MAP2K2: variants seen among roughly 807,000 people sequenced by gnomAD.
MAP2K2 encodes mitogen-activated protein kinase kinase 2.
In MAP2K2, 24 loss-of-function variants were observed where a neutral mutation model predicts 43.7. That is an observed-to-expected ratio of 0.55 (90% CI 0.40 to 0.77). MAP2K2 has a LOEUF of 0.77. Among genes scored for constraint, MAP2K2 ranks in the 30% least tolerant of loss-of-function variants. The probability of loss-of-function intolerance (pLI) is 0.00; values close to 1 mark genes in which losing one functional copy is unlikely to be tolerated. For missense variants in MAP2K2, 470 were observed against 566.8 expected (o/e 0.83, Z 1.73); for synonymous variants, 244 against 239.7 (o/e 1.02, Z -0.17).
In MAP2K2 at chr19:4,120,332, T is replaced by C. The variant is rs192195302; in HGVS notation, c.93-2703A>G. ...ATGAATAAATGAATATTTATTTTTT[T>C]TGAGACAGTCTTGCTCTGTCGCCCA... On this transcript the variant is annotated intron_variant, in intron 1 of 10. Coordinates refer to ENST00000262948, the MANE Select transcript of MAP2K2 (RefSeq NM_030662.4). Among the ~76,000 whole-genome samples, 309 of 152,352 alleles carry C rather than the reference T, an allele frequency of 2.0e-3. 1 individual carries two copies. Among genetic ancestry groups the C allele is most frequent in the Non-Finnish European group, 3.4e-3 (228 of 68,042 alleles).
rs1276658446 is a variant in MAP2K2 at position 4,101,841 on chromosome 19, T to C, written c.528+535A>G. ...CCTGTGTCTTAATCCAACACTGGTATGGGCAGGCGGGACTCGGCCCCTGCT... is the reference window on the plus strand; with the variant it reads ...CCTGTGTCTTAATCCAACACTGGTACGGGCAGGCGGGACTCGGCCCCTGCT... On this transcript the variant is annotated intron_variant, in intron 4 of 10. Coordinates refer to ENST00000262948, the MANE Select transcript of MAP2K2 (RefSeq NM_030662.4). This position sits in a 1 kb window ranked among gnomAD's most constrained non-coding sequence, Gnocchi z 6.3. 6.6e-6 allele frequency among the ~76,000 whole-genome samples: 1 copy of C among 152,168 alleles called. No individual in the cohort carries two copies. The highest frequency in any genetic ancestry group is 2.1e-4 in the South Asian group (1 of 4,822).
At chr19:4,122,753 A>C (rs1464703348) in intron 1 of MAP2K2, among the ~76,000 whole-genome samples, 2 of 149,998 alleles carry the variant, frequency 1.3e-5, no homozygotes, top group East Asian at 2.0e-4. Context: ...CGATTTCACT[A>C]TTCAGGGACC....
Position 4,117,451 on chromosome 19 carries a change from G to A in MAP2K2, c.271C>T (p.His91Tyr), listed in dbSNP as rs2041237436. ...GCCATGATGAGGCCCGAGGGTCTGT[G>A]CTGGACTTTGGTGACCACCCCGCCG... ...GNGGVVTKVQ[H>Y]RPSGLIMARK... The change falls in exon 2 of 11, where the codon CAC becomes TAC. Residue 91 changes from histidine to tyrosine, a missense_variant. By Grantham distance (83) the His-to-Tyr change is moderately conservative. Around this residue, in one of 3 missense-constraint regions of MAP2K2, gnomAD observed 200 missense variants for 297.9 expected, o/e 0.67. Coordinates refer to ENST00000262948, the MANE Select transcript of MAP2K2 (RefSeq NM_030662.4). The A allele has an allele frequency of 6.2e-7, 1 of 1,613,870 alleles. No individual in the cohort carries two copies. The highest frequency in any genetic ancestry group is 8.5e-7 in the Non-Finnish European group (1 of 1,180,022).
At chr19:4,123,532 C>A (rs1324606370) in intron 1 of MAP2K2, among the ~76,000 whole-genome samples, 7 of 150,576 alleles carry the variant, frequency 4.6e-5, no homozygotes, top group Non-Finnish European at 7.4e-5. Context: ...CCCCGTGCAC[C>A]CTTCGCCCCG....
chr19:4,102,235 G>C, intron 4 of MAP2K2, 141 bp downstream of exon 4: 1 of 734,008 alleles, frequency 1.4e-6, no homozygotes, highest in Non-Finnish European at 2.4e-6. Flanking sequence ...ACAGCAGGTG[G>C]GCACAGCCTT....
rs958695275 is a variant in MAP2K2 at position 4,090,419 on chromosome 19, AG to A, written c.*178del. The A allele has an allele frequency of 4.6e-6, 3 of 647,432 alleles. No individual in the cohort carries two copies. The highest frequency in any genetic ancestry group is 1.8e-5 in the African/African-American group (1 of 56,094). 40.1% of individuals were successfully genotyped at this position (647,432 alleles called of 1,614,324 possible). On this transcript the variant is annotated 3_prime_UTR_variant, in exon 11 of 11. Transcript: ENST00000262948. The stretch of plus-strand genomic sequence containing the variant: ...GCCCGTCCCCAGAGGCACCCCGGCC[AG>A]GACGGGCAGGAGAGGAGACCCCCGT...
intron 6 of MAP2K2, 159 bp downstream of exon 6, chr19:4,100,860 A>G: frequency 1.2e-6 from 1 of 816,558 alleles, no homozygotes; most frequent in South Asian, 1.7e-5. Flanking sequence ...GCCTCGTGGG[A>G]GGCGGGGAGA....
At chr19:4,105,619 C>T (rs933487665) in intron 3 of MAP2K2, among the ~76,000 whole-genome samples, 3 of 152,066 alleles carry the variant, frequency 2.0e-5, no homozygotes, top group African/African-American at 2.4e-5. Flanking sequence ...ATAACCTGGA[C>T]GCCGCATCAC....
At chr19:4,117,066 C>T (rs991867286) in intron 2 of MAP2K2, among the ~76,000 whole-genome samples, 8 of 152,222 alleles carry the variant, frequency 5.3e-5, no homozygotes, top group African/African-American at 1.7e-4. Flanking sequence ...TACACATAGG[C>T]GCAAACACAC....
chr19:4,099,158 G>T (rs1438887760), intron 7 of MAP2K2, 43 bp downstream of exon 7: 1 of 1,518,586 alleles, frequency 6.6e-7, no homozygotes, highest in Non-Finnish European at 9.0e-7. Flanking sequence ...CCCCGCGCAG[G>T]GCACTGCGCG....
At chr19:4,091,959 C>T (rs1270252867) in intron 10 of MAP2K2, among the ~76,000 whole-genome samples, 1 of 152,160 alleles carries the variant, frequency 6.6e-6, no homozygotes, top group African/African-American at 2.4e-5. Context: ...CCACTGAACA[C>T]ACTTCAACAG....
At position 4,101,921 on chromosome 19, in the gene MAP2K2, G is replaced by A. The variant is rs1029273611; in HGVS notation, c.528+455C>T. 4.6e-5 allele frequency among the ~76,000 whole-genome samples: 7 copies of A among 152,128 alleles called. No individual in the cohort carries two copies. The highest frequency in any genetic ancestry group is 1.3e-4 in the Admixed American group (2 of 15,268). On this transcript the variant is annotated intron_variant, in intron 4 of 10. Coordinates refer to ENST00000262948, the MANE Select transcript of MAP2K2 (RefSeq NM_030662.4). This position sits in a 1 kb window ranked among gnomAD's most constrained non-coding sequence, Gnocchi z 6.3. ...CACGCACGGTCTGCTGAAACCACAC[G>A]GCTCTACGGAGCAGCTGTGCTGGAG...
rs1409234103 is a variant in MAP2K2, at chr19:4,093,889, C to T, written c.1092+564G>A. Reference sequence around the variant, plus strand: ...GGTGGCTGTGGTATGGGAAAGCACTCGGGATGCAGGCTGGGCTGAGGGCAG... The same window carrying T: ...GGTGGCTGTGGTATGGGAAAGCACTTGGGATGCAGGCTGGGCTGAGGGCAG... On this transcript the variant is annotated intron_variant, in intron 10 of 10. Transcript: ENST00000262948. Among the ~76,000 whole-genome samples the T allele has an allele frequency of 7.9e-5, 12 of 152,104 alleles. No individual in the cohort carries two copies. In the South Asian group the frequency reaches 1.2e-3, roughly 16 times the overall value.
In MAP2K2 at chr19:4,124,120, G is replaced by C; in HGVS notation, c.-245C>G. On this transcript the variant is annotated 5_prime_UTR_variant, in exon 1 of 11. Coordinates refer to ENST00000262948, the MANE Select transcript of MAP2K2 (RefSeq NM_030662.4). ...GGCTGACGCCGCAGCCCGAGTCCGAGAGGCAGGGGGAGGGGAGGGGCGGCC... is the reference window on the plus strand; with the variant it reads ...GGCTGACGCCGCAGCCCGAGTCCGACAGGCAGGGGGAGGGGAGGGGCGGCC... 1 of 213,966 alleles carries C rather than the reference G, an allele frequency of 4.7e-6. No homozygotes were observed. The highest frequency in any genetic ancestry group is 9.5e-6 in the Non-Finnish European group (1 of 105,524). The allele number at this position is 213,966 out of a possible 1,614,324, so 13.3% of individuals were successfully genotyped here. A position where few individuals can be genotyped will look rare whatever the true frequency, so the allele number is the denominator to read the frequency against.
At chr19:4,102,740 G>C (rs1161267161) in intron 3 of MAP2K2, 33 of 1,303,060 alleles carry the variant, frequency 2.5e-5, no homozygotes, top group Non-Finnish European at 3.0e-5. Context: ...CGCCACGGCA[G>C]AGGCTCTGCT....
At chr19:4,121,547 G>C in intron 1 of MAP2K2, among the ~76,000 whole-genome samples, 2 of 56,462 alleles carry the variant, frequency 3.5e-5, no homozygotes, top group Admixed American at 2.4e-4. Flanking sequence ...AGGACCCCCT[G>C]CTCTGCCCTC....
chr19:4,103,085 G>T (rs2041038249), intron 3 of MAP2K2: 1 of 1,016,018 alleles, frequency 9.8e-7, no homozygotes, highest in East Asian at 9.4e-5. Flanking sequence ...GGCCGAGTAG[G>T]ACCAGGGGCC....
At chr19:4,095,105 G>A (rs2040898123) in intron 9 of MAP2K2, 1 of 427,912 alleles carries the variant, frequency 2.3e-6, no homozygotes, top group South Asian at 2.9e-5. Flanking sequence ...GGACCAGACA[G>A]AGGCTTCTCC....
chr19:4,123,844 GC>G lies in MAP2K2; in HGVS notation c.31del (p.Ala11ArgfsTer92). On this transcript the variant is annotated frameshift_variant, in exon 1 of 11. Transcript: ENST00000262948. LOFTEE classifies it high-confidence loss of function. Reference protein sequence around the residue: MLARRKPVLPALTINPTIAEG... With the variant: MLARRKPVLPXLTINPTIAEG... ...GGCGATGGTAGGGTTGATGGTGAGC[GC>G]CGGCAGCACCGGCTTCCTCCGGGCC... 6.5e-7 allele frequency: 1 copy of G among 1,528,846 alleles called. No homozygotes were observed. The highest frequency in any genetic ancestry group is 2.0e-4 in the Middle Eastern group (1 of 5,050). 94.7% of individuals were successfully genotyped at this position (1,528,846 alleles called of 1,614,324 possible). A position where few individuals can be genotyped will look rare whatever the true frequency, so the allele number is the denominator to read the frequency against.
Sources: allele counts gnomAD v4.1 joint callset (sites outside exome capture counted in the v4.1 genomes callset), GRCh38; gene constraint gnomAD v4.1.1; regional missense constraint gnomAD v4.1.1; non-coding constraint Gnocchi (gnomAD v3.1); transcripts MANE v1.5; gene names NCBI Gene and HGNC (gene_info 2026-07-23, HGNC 2026-07-21).